Variants in DNAAF4 observed in about 807,000 individuals in gnomAD.
DNAAF4 encodes the protein dynein assembly factor 4, axonemal.
In DNAAF4, 43 loss-of-function variants were observed where a neutral mutation model predicts 51.8. That is an observed-to-expected ratio of 0.83 (90% confidence interval 0.65 to 1.07). The LOEUF is 1.07. DNAAF4 is among the 50% of genes least tolerant of loss of function. DNAAF4 has a pLI of 0.00. For synonymous variants in DNAAF4, 194 were observed against 165.6 expected, an observed-to-expected ratio of 1.17 and a Z score of -1.32; for missense variants, 581 against 493.0, an observed-to-expected ratio of 1.18 and a Z score of -1.69.
intron 9 of DNAAF4, 122 bp from the exon 10 acceptor site, chr15:55,430,901 G>C (rs2141395397): frequency 1.4e-6 from 1 of 712,328 alleles, no homozygotes; most frequent in Non-Finnish European, 2.2e-6. Context: ...CAAGTACCAA[G>C]TTTTAAATTA....
At chr15:55,421,885 G>A (rs756283408) in intron 7 of DNAAF4, among the ~76,000 whole-genome samples, 13 of 139,820 alleles carry the variant, frequency 9.3e-5, no homozygotes, top group East Asian at 2.1e-4. Flanking sequence ...GGGAAACTCC[G>A]TCTCAAAAAA....
At chr15:55,427,345 C>T (rs538769341), downstream of DNAAF4, among the ~76,000 whole-genome samples, 8 of 152,224 alleles carry the variant, frequency 5.3e-5, no homozygotes, top group South Asian at 8.3e-4. Flanking sequence ...GGATTACAGG[C>T]GTGAGCCACC....
chr15:55,444,582 G>T (rs1023027137), intron 6 of DNAAF4, among the ~76,000 whole-genome samples: 1 of 152,166 alleles, frequency 6.6e-6, no homozygotes, highest in Non-Finnish European at 1.5e-5. Flanking sequence ...ATTCTTTGGG[G>T]AAAGTCACTG....
At chr15:55,485,902 G>A (rs2058480548) in intron 4 of DNAAF4, among the ~76,000 whole-genome samples, 1 of 150,036 alleles carries the variant, frequency 6.7e-6, no homozygotes, top group Non-Finnish European at 1.5e-5. Context: ...AACTTAGGCA[G>A]GAGAATGGCA....
At position 55,491,565 on chromosome 15, in the gene DNAAF4, C is replaced by T. The variant is rs115879928; in HGVS notation, c.272-309G>A. ...ATGAAGGTGCAAGGACACATTTATC[C>T]TCTTCCTTCTCTGTTAAGAAACTAG... On this transcript the variant is annotated intron_variant, in intron 3 of 9. Coordinates refer to ENST00000321149, the MANE Select transcript of DNAAF4 (RefSeq NM_130810.4). Among the ~76,000 whole-genome samples, 1,226 of 147,210 alleles carry T rather than the reference C, an allele frequency of 8.3e-3. 14 individuals carry two copies. Among genetic ancestry groups the T allele is most frequent in the African/African-American group, 0.03 (1,158 of 38,464 alleles).
intron 5 of DNAAF4, among the ~76,000 whole-genome samples, chr15:55,465,910 G>A (rs1206099245): frequency 3.3e-5 from 5 of 152,050 alleles, no homozygotes; most frequent in African/African-American, 1.2e-4. Flanking sequence ...AGGATGCCAA[G>A]GCATAAGAAT....
chr15:55,497,514 C>T (rs1261334660), intron 3 of DNAAF4, among the ~76,000 whole-genome samples, 198 bp downstream of exon 3: 3 of 152,030 alleles, frequency 2.0e-5, no homozygotes, highest in Non-Finnish European at 4.4e-5. Flanking sequence ...GTAGGAGAAT[C>T]CCTTGAACCC....
At chr15:55,454,379 T>G (rs2057985577) in intron 5 of DNAAF4, among the ~76,000 whole-genome samples, 1 of 151,912 alleles carries the variant, frequency 6.6e-6, no homozygotes, top group African/African-American at 2.4e-5. Context: ...TATTTGTTTG[T>G]TTTTGTTTTT....
intron 4 of DNAAF4, among the ~76,000 whole-genome samples, chr15:55,489,428 C>T (rs1003909327): frequency 6.6e-6 from 1 of 152,084 alleles, no homozygotes; most frequent in African/African-American, 2.4e-5. Context: ...AATCCCAACA[C>T]TTTGGGAGGC....
At position 55,467,064 on chromosome 15, in the gene DNAAF4, T is replaced by A. The variant is rs745481051; in HGVS notation, c.503A>T (p.Lys168Ile). ...ALEAWKEYQR[K>I]AEEQKKIQRE... ...CTGAATTTTTTTTTGCTCCTCAGCT[T>A]TTCTTTGATATTCTTTCCAGGCTTC... is the stretch of plus-strand genomic sequence containing the variant. Residue 168 changes from lysine to isoleucine, a missense_variant, in exon 5 of 10, where the codon AAA (lysine) becomes ATA (isoleucine). Transcript: ENST00000321149. The A allele has an allele frequency of 3.2e-6, 5 of 1,554,392 alleles. No homozygotes were observed. The highest frequency in any genetic ancestry group is 3.5e-6 in the Non-Finnish European group (4 of 1,151,166).
intron 6 of DNAAF4, among the ~76,000 whole-genome samples, chr15:55,449,414 G>C (rs997933201): frequency 6.6e-6 from 1 of 150,960 alleles, no homozygotes. Context: ...TATAATCCCA[G>C]CACATTGGGA....
intron 4 of DNAAF4, among the ~76,000 whole-genome samples, chr15:55,474,301 C>CAGTT: frequency 6.6e-6 from 1 of 152,010 alleles, no homozygotes; most frequent in East Asian, 1.9e-4. Context: ...TTTGGGAGGC[C>CAGTT]GAGGTGGGCA....
intron 4 of DNAAF4, among the ~76,000 whole-genome samples, chr15:55,480,810 A>G (rs977369021): frequency 1.7e-4 from 26 of 152,198 alleles, no homozygotes; most frequent in Non-Finnish European, 3.4e-4. Flanking sequence ...ACTCTTTGGC[A>G]GTCACTTTAC....
downstream of DNAAF4, chr15:55,430,240 C>T (rs1167541605): frequency 2.8e-6 from 1 of 358,510 alleles, no homozygotes; most frequent in African/African-American, 2.2e-5. Context: ...AACGGACAAC[C>T]TGTCAATATT....
intron 7 of DNAAF4, among the ~76,000 whole-genome samples, chr15:55,422,087 TATGCATAAATA>T: frequency 6.6e-6 from 1 of 151,980 alleles, no homozygotes; most frequent in Admixed American, 6.6e-5. Flanking sequence ...CACATGAATA[TATGCATAAATA>T]ACATGATAAC....
intron 7 of DNAAF4, chr15:55,418,228 G>C (rs1336728328): frequency 6.4e-7 from 1 of 1,572,432 alleles, no homozygotes; most frequent in Non-Finnish European, 8.6e-7. Context: ...TTTAGGATAA[G>C]AAAAGTACTT....
chr15:55,454,768 A>C (rs980741357), intron 5 of DNAAF4, among the ~76,000 whole-genome samples: 10 of 152,182 alleles, frequency 6.6e-5, no homozygotes, highest in African/African-American at 2.4e-4. Context: ...GTATGCTCCA[A>C]GTTATGATAT....
chr15:55,495,650 G>C (rs4264341), intron 3 of DNAAF4, among the ~76,000 whole-genome samples: 9,635 of 152,170 alleles, frequency 0.063, 351 homozygotes, highest in East Asian at 0.18. Context: ...CAGGAGAATT[G>C]CTGGAACCTA....
At chr15:55,500,004 C>A (rs1351292070) in intron 1 of DNAAF4, among the ~76,000 whole-genome samples, 1 of 152,030 alleles carries the variant, frequency 6.6e-6, no homozygotes, top group Non-Finnish European at 1.5e-5. Flanking sequence ...TAGATACACA[C>A]AAATTACTTC....
Sources: allele counts gnomAD v4.1 joint callset (sites outside exome capture counted in the v4.1 genomes callset), GRCh38; gene constraint gnomAD v4.1.1; transcripts MANE v1.5; gene names NCBI Gene and HGNC (gene_info 2026-07-23, HGNC 2026-07-21).